PLCB1: variants seen among roughly 807,000 people sequenced by gnomAD.
PLCB1 encodes 1-phosphatidylinositol 4,5-bisphosphate phosphodiesterase beta-1.
In PLCB1, 46 loss-of-function variants were observed where a neutral mutation model predicts 161.8. That is an observed-to-expected ratio of 0.28 (90% CI 0.22 to 0.36). The LOEUF (loss-of-function observed/expected upper bound fraction) is 0.36. Ranked by LOEUF, PLCB1 falls within the 10% of genes least tolerant of loss-of-function variation. The pLI is 1.00. For synonymous variants in PLCB1, 517 were observed against 503.7 expected, an observed-to-expected ratio of 1.03 and a Z score of -0.35; for missense variants, 1,016 against 1,472.5, an observed-to-expected ratio of 0.69 and a Z score of 5.07.
At chr20:8,736,220 C>G (rs1980574171) in intron 19 of PLCB1, among the ~76,000 whole-genome samples, 1 of 152,180 alleles carries the variant, frequency 6.6e-6, no homozygotes. Flanking sequence ...CTCCGCTAAC[C>G]TTTATGACAG....
intron 31 of PLCB1, among the ~76,000 whole-genome samples, chr20:8,870,189 T>C (rs1407156080): frequency 6.6e-6 from 1 of 152,192 alleles, no homozygotes; most frequent in Non-Finnish European, 1.5e-5. Context: ...AGGAGAGAAT[T>C]GACGAGGTCC....
At chr20:8,146,105 G>GTTTTTTT (rs58227641) in intron 1 of PLCB1, among the ~76,000 whole-genome samples, 1 of 141,752 alleles carries the variant, frequency 7.1e-6, no homozygotes, top group Non-Finnish European at 1.6e-5. Flanking sequence ...TGTTTTTTTT[G>GTTTTTTT]TTTTTTTTTT....
rs1292093384 is a variant in PLCB1, at chr20:8,733,180, A to T, written c.1889-58A>T. 4 of 1,552,616 alleles carry T rather than the reference A, an allele frequency of 2.6e-6. No homozygotes were observed. In the Admixed American group the frequency reaches 6.7e-5, roughly 26 times the overall value. On this transcript the variant is annotated intron_variant, in intron 18 of 31. Transcript: ENST00000338037. ...GGGATCAACTTTACTTTACAATCTT[A>T]CTTTCTTACCCCAAGTATAGATAAA...
intron 2 of PLCB1, among the ~76,000 whole-genome samples, chr20:8,153,571 C>A (rs1436659169): frequency 1.3e-5 from 2 of 152,140 alleles, no homozygotes; most frequent in Admixed American, 6.5e-5. Flanking sequence ...TCTGCTCCAC[C>A]GGTTTTGAAA....
chr20:8,569,454 T>G (rs1013995411), intron 3 of PLCB1, among the ~76,000 whole-genome samples: 1 of 152,164 alleles, frequency 6.6e-6, no homozygotes, highest in Non-Finnish European at 1.5e-5. Flanking sequence ...CAGGGTACTG[T>G]TGGTACTAAG....
chr20:8,573,893 G>A (rs1884513450), intron 3 of PLCB1, among the ~76,000 whole-genome samples: 1 of 152,148 alleles, frequency 6.6e-6, no homozygotes, highest in African/African-American at 2.4e-5. Flanking sequence ...TTATTTCAGG[G>A]TAATTACACA....
At position 8,132,626 on chromosome 20, in the gene PLCB1, G is replaced by T. The variant is rs977989727; in HGVS notation, c.-26G>T. ...CCCAGTCCCTGCCGCGCTCGCCCGG[G>T]CCGCCCGGAGCCCAGATGAGCCCAG... On this transcript the variant is annotated 5_prime_UTR_variant, in exon 1 of 32. Transcript: ENST00000338037. This position sits in a 1 kb window ranked among gnomAD's most constrained non-coding sequence, Gnocchi z 5.2. 3 of 1,564,284 alleles carry T rather than the reference G, an allele frequency of 1.9e-6. No individual in the cohort carries two copies. The highest frequency in any genetic ancestry group is 1.7e-6 in the Non-Finnish European group (2 of 1,146,610).
At chr20:8,417,588 G>C (rs1269682312) in intron 3 of PLCB1, among the ~76,000 whole-genome samples, 4 of 151,886 alleles carry the variant, frequency 2.6e-5, no homozygotes, top group Non-Finnish European at 1.5e-5. Flanking sequence ...CTCTTTTAGG[G>C]GAGCTCAAGA....
chr20:8,868,799 T>A (rs1382333668), intron 31 of PLCB1, among the ~76,000 whole-genome samples: 2 of 151,420 alleles, frequency 1.3e-5, no homozygotes, highest in Admixed American at 6.6e-5. Context: ...ACGCAGCCAG[T>A]TTTTTTTTAT....
At chr20:8,601,240 T>G (rs539488006) in intron 3 of PLCB1, among the ~76,000 whole-genome samples, 8 of 152,292 alleles carry the variant, frequency 5.3e-5, no homozygotes, top group African/African-American at 1.7e-4. Flanking sequence ...TTATTTTAAG[T>G]TCAGGGGTAT....
rs114080463 is a variant in PLCB1 at position 8,325,579 on chromosome 20, A to C, written c.178-45803A>C. Among the ~76,000 whole-genome samples the C allele has an allele frequency of 4.2e-3, 635 of 152,276 alleles. 8 individuals carry two copies. Among genetic ancestry groups the C allele is most frequent in the African/African-American group, 0.014 (592 of 41,544 alleles). On this transcript the variant is annotated intron_variant, in intron 2 of 31. Transcript: ENST00000338037. ...TGAGCTGAGAAATTTATCATGTATT[A>C]ATTCATTTAATCCTCACAGCCAGCC... is the stretch of plus-strand genomic sequence containing the variant.
At chr20:8,768,632 A>G (rs1982502107) in intron 26 of PLCB1, among the ~76,000 whole-genome samples, 1 of 152,198 alleles carries the variant, frequency 6.6e-6, no homozygotes, top group South Asian at 2.1e-4. Flanking sequence ...CACATTGGAT[A>G]AGAGAGGACC....
At chr20:8,589,610 C>CTTTTTTT (rs71183102) in intron 3 of PLCB1, among the ~76,000 whole-genome samples, 63 of 80,126 alleles carry the variant, frequency 7.9e-4, no homozygotes, top group African/African-American at 2.8e-3. Context: ...CAATCTCTCT[C>CTTTTTTT]TTTTTTTTTT....
chr20:8,183,955 C>A (rs1248320682), intron 2 of PLCB1, among the ~76,000 whole-genome samples: 1 of 152,068 alleles, frequency 6.6e-6, no homozygotes, highest in African/African-American at 2.4e-5. Flanking sequence ...CTGTAAACTG[C>A]ATTCTTCCAT....
intron 2 of PLCB1, among the ~76,000 whole-genome samples, chr20:8,334,066 G>A (rs964781509): frequency 8.6e-5 from 13 of 152,036 alleles, no homozygotes; most frequent in Non-Finnish European, 1.6e-4. Flanking sequence ...AAAATTGGCC[G>A]GGTGTGGTGG....
chr20:8,194,729 T>C (rs191580746), intron 2 of PLCB1, among the ~76,000 whole-genome samples: 32 of 152,184 alleles, frequency 2.1e-4, no homozygotes, highest in African/African-American at 7.7e-4. Flanking sequence ...CTATAATAAA[T>C]AAACTGTATT....
chr20:8,352,270 T>C (rs772848924), intron 2 of PLCB1, among the ~76,000 whole-genome samples: 10 of 152,140 alleles, frequency 6.6e-5, no homozygotes, highest in Non-Finnish European at 1.0e-4. Flanking sequence ...TATATAATAT[T>C]CTAAAAAAGG....
chr20:8,691,610 C>A (rs952197080), intron 10 of PLCB1, among the ~76,000 whole-genome samples: 8 of 152,020 alleles, frequency 5.3e-5, no homozygotes, highest in Non-Finnish European at 1.2e-4. Flanking sequence ...CTATCTAAAT[C>A]CAAATAGGAA....
chr20:8,275,172 T>A (rs1414474577), intron 2 of PLCB1, among the ~76,000 whole-genome samples: 1 of 152,088 alleles, frequency 6.6e-6, no homozygotes. Flanking sequence ...ATATATGTTC[T>A]TTCTAGAATT....
Sources: allele counts gnomAD v4.1 joint callset (sites outside exome capture counted in the v4.1 genomes callset), GRCh38; gene constraint gnomAD v4.1.1; non-coding constraint Gnocchi (gnomAD v3.1); transcripts MANE v1.5; gene names NCBI Gene and HGNC (gene_info 2026-07-23, HGNC 2026-07-21).